Variants in FRAS1 observed in about 807,000 individuals in gnomAD.
FRAS1 encodes the protein extracellular matrix organizing protein FRAS1.
FRAS1 carries 290 observed loss-of-function variants against 435.2 expected under a neutral mutation model. The observed-to-expected ratio is 0.67, with a 90% CI of 0.61 to 0.73. The LOEUF (loss-of-function observed/expected upper bound fraction) is 0.73, where lower values mean the gene tolerates loss of function less well. Among genes scored for constraint, FRAS1 ranks in the 30% least tolerant of loss-of-function variants. The pLI is 0.00. For synonymous variants in FRAS1, 1,800 were observed against 1,851.0 expected (o/e 0.97, Z 0.71); for missense variants, 4,860 against 5,001.5 (o/e 0.97, Z 0.85).
intron 4 of FRAS1, among the ~76,000 whole-genome samples, chr4:78,247,183 G>A (rs1725284943): frequency 6.6e-6 from 1 of 152,060 alleles, no homozygotes; most frequent in East Asian, 1.9e-4. Context: ...AGTTCAGAAA[G>A]TTCTCCCGCT....
intron 47 of FRAS1, among the ~76,000 whole-genome samples, chr4:78,455,766 CT>C (rs948907128): frequency 6.6e-6 from 1 of 152,180 alleles, no homozygotes; most frequent in African/African-American, 2.4e-5. Context: ...TATGCGCTGT[CT>C]TTTCAAGATT....
chr4:78,508,638 T>G (rs1720925213), intron 62 of FRAS1, 93 bp from the exon 63 acceptor site: 5 of 1,321,302 alleles, frequency 3.8e-6, no homozygotes, highest in Non-Finnish European at 4.2e-6. Flanking sequence ...CTGTAGACAC[T>G]AAGAGATCTT....
chr4:78,531,811 C>T (rs72871391), intron 70 of FRAS1, among the ~76,000 whole-genome samples: 8,051 of 152,248 alleles, frequency 0.053, 711 homozygotes, highest in African/African-American at 0.18. Context: ...TCTGGCTGTT[C>T]ACAGAAAAGC....
At chr4:78,322,330 C>G (rs1297963041) in intron 18 of FRAS1, among the ~76,000 whole-genome samples, 1 of 152,186 alleles carries the variant, frequency 6.6e-6, no homozygotes, top group Non-Finnish European at 1.5e-5. Context: ...CCAGAAATAT[C>G]TTTGCCTCTC....
intron 35 of FRAS1, among the ~76,000 whole-genome samples, chr4:78,427,356 GA>G (rs1344629838): frequency 1.3e-5 from 2 of 152,110 alleles, no homozygotes; most frequent in Non-Finnish European, 2.9e-5. Context: ...CTTCATATGT[GA>G]AAGAAATAAA....
At chr4:78,119,824 A>G (rs1404056590) in intron 2 of FRAS1, among the ~76,000 whole-genome samples, 2 of 152,186 alleles carry the variant, frequency 1.3e-5, no homozygotes, top group African/African-American at 4.8e-5. Context: ...GGACCAGTGT[A>G]TGGGAAACTC....
At chr4:78,079,092 T>A (rs1740782599) in intron 2 of FRAS1, among the ~76,000 whole-genome samples, 1 of 152,160 alleles carries the variant, frequency 6.6e-6, no homozygotes, top group Non-Finnish European at 1.5e-5. Context: ...AGATAATAGA[T>A]GAGAAGAGCA....
intron 2 of FRAS1, among the ~76,000 whole-genome samples, chr4:78,093,201 T>C (rs1422035199): frequency 6.6e-6 from 1 of 152,178 alleles, no homozygotes; most frequent in East Asian, 1.9e-4. Context: ...TAGATATGCA[T>C]TGAGAAGAAT....
At chr4:78,473,338 G>A (rs1022347298) in intron 52 of FRAS1, 100 bp from the exon 53 acceptor site, 20 of 900,968 alleles carry the variant, frequency 2.2e-5, no homozygotes, top group Non-Finnish European at 2.9e-5. Flanking sequence ...AGTTTTGTCT[G>A]TAATACATTA....
chr4:78,360,350 G>C (rs1347893160), intron 20 of FRAS1, among the ~76,000 whole-genome samples: 1 of 152,160 alleles, frequency 6.6e-6, no homozygotes, highest in African/African-American at 2.4e-5. Context: ...GAAGTGAGGA[G>C]TTAGAGAGGC....
chr4:78,308,046 AT>A lies in FRAS1; in HGVS notation c.1535-16del. 6.3e-7 allele frequency: 1 copy of A among 1,578,636 alleles called. No individual in the cohort carries two copies. Among genetic ancestry groups the A allele is most frequent in the Non-Finnish European group, 8.6e-7 (1 of 1,159,132 alleles). ...CCTTTCTGCCGTAGATTACTCACTG[AT>A]TTTGCTATTCGTCTGCAGTCTGCCA... On this transcript the variant is annotated intron_variant, in intron 14 of 73. Transcript: ENST00000512123.
At chr4:78,279,848 A>G (rs536763410) in intron 10 of FRAS1, among the ~76,000 whole-genome samples, 9 of 152,324 alleles carry the variant, frequency 5.9e-5, no homozygotes, top group Non-Finnish European at 8.8e-5. Context: ...CCCACTTACC[A>G]CAGAATATGT....
At chr4:78,127,370 A>T (rs954561668) in intron 2 of FRAS1, among the ~76,000 whole-genome samples, 15 of 152,120 alleles carry the variant, frequency 9.9e-5, no homozygotes, top group Non-Finnish European at 1.8e-4. Flanking sequence ...ATTACTGTAG[A>T]GTTTTGCTCT....
At position 78,164,840 on chromosome 4, in the gene FRAS1, C is replaced by G. The variant is rs186919405; in HGVS notation, c.109-72670C>G. On this transcript the variant is annotated intron_variant, in intron 2 of 73. Coordinates refer to ENST00000512123, the MANE Select transcript of FRAS1 (RefSeq NM_025074.7). ...CTAAACACAGTCTAAAGTTCTTTCTCAAAACTTCCATCTTCTTGAATCTAT... is the reference window on the plus strand; with the variant it reads ...CTAAACACAGTCTAAAGTTCTTTCTGAAAACTTCCATCTTCTTGAATCTAT... Among the ~76,000 whole-genome samples, 8 of 152,270 alleles carry G rather than the reference C, an allele frequency of 5.3e-5. No individual in the cohort carries two copies. The East Asian group carries it at 1.3e-3, about 26-fold the overall frequency.
intron 2 of FRAS1, among the ~76,000 whole-genome samples, chr4:78,234,402 T>C (rs1724653571): frequency 1.3e-5 from 2 of 152,082 alleles, no homozygotes. Flanking sequence ...ATTTTTTGTA[T>C]TTTTAGTAGA....
intron 27 of FRAS1, among the ~76,000 whole-genome samples, chr4:78,382,569 G>C (rs1732060444): frequency 6.6e-6 from 1 of 152,032 alleles, no homozygotes; most frequent in Admixed American, 6.6e-5. Flanking sequence ...TGGTGGAGAG[G>C]GACAGGACTT....
chr4:78,116,816 C>T (rs908719346), intron 2 of FRAS1, among the ~76,000 whole-genome samples: 1 of 152,056 alleles, frequency 6.6e-6, no homozygotes, highest in Non-Finnish European at 1.5e-5. Flanking sequence ...AATTGGAGCA[C>T]TTAGCCCATT....
intron 70 of FRAS1, among the ~76,000 whole-genome samples, chr4:78,533,126 C>T (rs1721772697): frequency 1.3e-5 from 2 of 152,176 alleles, no homozygotes; most frequent in South Asian, 4.1e-4. Context: ...CCAGTTGAAC[C>T]TCCTTCTAGC....
chr4:78,540,461 A>C (rs904226158), intron 73 of FRAS1, 70 bp from the exon 74 acceptor site: 12 of 987,406 alleles, frequency 1.2e-5, no homozygotes, highest in African/African-American at 1.6e-5. Flanking sequence ...AGTGGCAATT[A>C]TCCTTCCATT....
Sources: allele counts gnomAD v4.1 joint callset (sites outside exome capture counted in the v4.1 genomes callset), GRCh38; gene constraint gnomAD v4.1.1; transcripts MANE v1.5; gene names NCBI Gene and HGNC (gene_info 2026-07-23, HGNC 2026-07-21).